The following ATF6 variants were observed in gnomAD, a reference collection of about 807,000 sequenced individuals.
ATF6 encodes activating transcription factor 6, also known as cyclic AMP-dependent transcription factor ATF-6 alpha.
ATF6 carries 53 observed loss-of-function variants against 83.6 expected under a neutral mutation model. That is an observed-to-expected ratio of 0.63 (90% CI 0.51 to 0.80). The LOEUF is 0.80. Among genes scored for constraint, ATF6 ranks in the 30% least tolerant of loss-of-function variants. The probability of loss-of-function intolerance (pLI) is 0.00; values close to 1 mark genes in which losing one functional copy is unlikely to be tolerated. For missense variants in ATF6, 744 were observed against 797.9 expected, an observed-to-expected ratio of 0.93 and a Z score of 0.81; for synonymous variants, 288 against 285.8, an observed-to-expected ratio of 1.01 and a Z score of -0.08.
chr1:161,929,882 G>T (rs536894854), intron 15 of ATF6, among the ~76,000 whole-genome samples: 2 of 152,322 alleles, frequency 1.3e-5, no homozygotes, highest in South Asian at 4.1e-4. Flanking sequence ...TTTGGTCTGT[G>T]CAGGTACAGG....
Position 161,944,895 on chromosome 1 carries a change from A to G in ATF6, c.1805-13551A>G, listed in dbSNP as rs60102880. 9.7e-3 allele frequency among the ~76,000 whole-genome samples: 1,479 copies of G among 152,372 alleles called. 33 individuals are homozygous for G. Among genetic ancestry groups the G allele is most frequent in the African/African-American group, 0.033 (1,390 of 41,590 alleles). ...AATCAGACCTAAAAGAAGTGCACCA[A>G]TAAGTCAGGCCATTGGTTATCCAGC... is the stretch of plus-strand genomic sequence containing the variant. On this transcript the variant is annotated intron_variant, in intron 15 of 15. Transcript: ENST00000367942.
intron 7 of ATF6, 122 bp from the exon 8 acceptor site, chr1:161,819,511 A>G (rs1230279135): frequency 1.2e-5 from 8 of 672,774 alleles, no homozygotes; most frequent in African/African-American, 1.9e-5. Context: ...CTTTTGAAAC[A>G]ACTAGTAACC....
chr1:161,822,777 A>G (rs151105673), intron 9 of ATF6, among the ~76,000 whole-genome samples: 67 of 152,334 alleles, frequency 4.4e-4, no homozygotes, highest in African/African-American at 1.5e-3. Flanking sequence ...AAGTAAGGCA[A>G]GGTTTCTCTG....
intron 15 of ATF6, among the ~76,000 whole-genome samples, chr1:161,917,190 A>T (rs959838336): frequency 5.3e-5 from 8 of 152,222 alleles, no homozygotes; most frequent in Admixed American, 5.2e-4. Flanking sequence ...ACTGTTCTTT[A>T]TTCAAATGCT....
chr1:161,851,685 G>C, intron 10 of ATF6, 37 bp from the exon 11 acceptor site: 1 of 1,457,938 alleles, frequency 6.9e-7, no homozygotes, highest in Non-Finnish European at 9.6e-7. Context: ...AGGAATTTAA[G>C]ATACAAGGAA....
At chr1:161,799,989 T>G (rs2101752199) in intron 6 of ATF6, among the ~76,000 whole-genome samples, 1 of 152,354 alleles carries the variant, frequency 6.6e-6, no homozygotes, top group East Asian at 1.9e-4. Flanking sequence ...AGTTGCCAGT[T>G]ATTTTAGTAC....
rs1190624358 is a variant in ATF6, at chr1:161,834,763, CCT to C, written c.1188-11685_1188-11684del. Among the ~76,000 whole-genome samples the C allele has an allele frequency of 4.0e-5, 6 of 151,750 alleles. No individual in the cohort carries two copies. In the East Asian group the frequency reaches 1.2e-3, roughly 29 times the overall value. ...CACGTTGTGCACATGTACCCTAAAA[CCT>C]AAAGTATAATAATAATAATAACAAA... On this transcript the variant is annotated intron_variant, in intron 9 of 15. Transcript: ENST00000367942.
At chr1:161,844,129 T>G (rs1419287031) in intron 9 of ATF6, among the ~76,000 whole-genome samples, 1 of 152,174 alleles carries the variant, frequency 6.6e-6, no homozygotes, top group Admixed American at 6.5e-5. Flanking sequence ...AACAACAGTG[T>G]CTAGAACAAA....
At chr1:161,787,243 T>C (rs997247227) in intron 4 of ATF6, among the ~76,000 whole-genome samples, 1 of 152,250 alleles carries the variant, frequency 6.6e-6, no homozygotes, top group Non-Finnish European at 1.5e-5. Context: ...TTTAAGACTA[T>C]GTAAAAATAT....
chr1:161,768,130 C>A (rs751417385), intron 1 of ATF6, among the ~76,000 whole-genome samples: 9 of 152,214 alleles, frequency 5.9e-5, no homozygotes, highest in Admixed American at 1.3e-4. Context: ...GCTGGGATTA[C>A]GGGTGTGAGC....
chr1:161,799,225 T>C (rs1685086436), intron 6 of ATF6, among the ~76,000 whole-genome samples: 1 of 152,160 alleles, frequency 6.6e-6, no homozygotes. Flanking sequence ...GTGGTACATA[T>C]ACACCATTCA....
At chr1:161,817,216 A>G (rs985856493) in intron 7 of ATF6, among the ~76,000 whole-genome samples, 1 of 152,184 alleles carries the variant, frequency 6.6e-6, no homozygotes, top group Non-Finnish European at 1.5e-5. Context: ...ATTAAATGGT[A>G]TGCCATCTGT....
rs188703531 is a variant in ATF6 at position 161,892,824 on chromosome 1, G to A, written c.1720-19472G>A. Among the ~76,000 whole-genome samples the A allele has an allele frequency of 4.1e-3, 620 of 152,172 alleles. 4 individuals carry two copies. Among genetic ancestry groups the A allele is most frequent in the Non-Finnish European group, 7.3e-3 (497 of 67,982 alleles). ...AGCTAATTTTTGTATTTTTAGTAGA[G>A]ACGGGGTTTCGCCATGTTGGCCAGG... On this transcript the variant is annotated intron_variant, in intron 14 of 15. Transcript: ENST00000367942.
chr1:161,777,638 A>G (rs551762320), intron 1 of ATF6, among the ~76,000 whole-genome samples: 2 of 152,350 alleles, frequency 1.3e-5, no homozygotes, highest in Admixed American at 6.5e-5. Flanking sequence ...AAAAGTTTTC[A>G]GTATAGTGTA....
chr1:161,832,725 C>T (rs936285621), intron 9 of ATF6, among the ~76,000 whole-genome samples: 1 of 152,336 alleles, frequency 6.6e-6, no homozygotes, highest in African/African-American at 2.4e-5. Flanking sequence ...CCTGCCATTG[C>T]CCAGGCTTGA....
At chr1:161,913,512 TAG>T (rs1451916465) in intron 15 of ATF6, among the ~76,000 whole-genome samples, 1 of 152,158 alleles carries the variant, frequency 6.6e-6, no homozygotes, top group Non-Finnish European at 1.5e-5. Context: ...AGTAACTTCA[TAG>T]ACATAAACAT....
At chr1:161,851,423 C>CAATGAGCA (rs1686628633) in intron 10 of ATF6, among the ~76,000 whole-genome samples, 1 of 152,174 alleles carries the variant, frequency 6.6e-6, no homozygotes, top group South Asian at 2.1e-4. Flanking sequence ...CAGCATTGTG[C>CAATGAGCA]ATGTCTTAAG....
intron 1 of ATF6, among the ~76,000 whole-genome samples, chr1:161,766,695 C>G (rs1372747445): frequency 2.0e-5 from 3 of 152,136 alleles, no homozygotes; most frequent in Non-Finnish European, 4.4e-5. Context: ...TGGGGAAGTA[C>G]CGGGTGATCT....
At chr1:161,821,049 T>C (rs765936076) in intron 8 of ATF6, 21 bp from the exon 9 acceptor site, 5 of 1,544,294 alleles carry the variant, frequency 3.2e-6, no homozygotes, top group Non-Finnish European at 4.4e-6. Context: ...TAATTGTATT[T>C]AATGTGGTCA....
Sources: gnomAD v4.1 joint callset for allele counts (sites outside exome capture counted in the v4.1 genomes callset) on GRCh38, gnomAD v4.1.1 for gene constraint, MANE v1.5 for transcripts, NCBI Gene and HGNC (gene_info 2026-07-23, HGNC 2026-07-21) for gene names.